Variants in REDIC1 observed in about 807,000 individuals in gnomAD.
REDIC1 encodes the protein regulator of DNA class I crossover intermediates 1.
At chr12:39,646,268 CAG>C in the REDIC1 span, 68 of 502,158 alleles carry the variant, frequency 1.4e-4, no homozygotes, top group East Asian at 2.9e-3. Context: ...ATTTATTAAA[CAG>C]TACTTTTACA....
At chr12:39,635,003 C>T in the REDIC1 span, among the ~76,000 whole-genome samples, 3 of 152,048 alleles carry the variant, frequency 2.0e-5, no homozygotes, top group East Asian at 1.9e-4. Context: ...TAAAAGAAGA[C>T]GTTTATGCAC....
At chr12:39,730,757 G>A in the REDIC1 span, among the ~76,000 whole-genome samples, 1 of 152,142 alleles carries the variant, frequency 6.6e-6, no homozygotes, top group African/African-American at 2.4e-5. Context: ...TTCCAACTTG[G>A]TTCCATTCTC....
the REDIC1 span, among the ~76,000 whole-genome samples, chr12:39,861,375 A>G: frequency 6.6e-5 from 10 of 152,242 alleles, no homozygotes; most frequent in Non-Finnish European, 1.3e-4. Flanking sequence ...TGAAGAAATA[A>G]TAAGTGAATA....
the REDIC1 span, chr12:39,682,779 C>T: frequency 1.2e-5 from 20 of 1,613,112 alleles, no homozygotes; most frequent in African/African-American, 1.6e-4. Context: ...AAGATGTGAA[C>T]CAGTCTACTC....
the REDIC1 span, among the ~76,000 whole-genome samples, chr12:39,763,428 G>C: frequency 6.6e-6 from 1 of 152,054 alleles, no homozygotes; most frequent in Non-Finnish European, 1.5e-5. Context: ...ATTTATCCAT[G>C]TATTTATTCA....
the REDIC1 span, among the ~76,000 whole-genome samples, chr12:39,712,208 A>T: frequency 2.0e-4 from 2 of 9,800 alleles, no homozygotes; most frequent in African/African-American, 4.0e-4. Flanking sequence ...ATATATACAT[A>T]TGTATATATA....
At chr12:39,627,621 G>A in the REDIC1 span, among the ~76,000 whole-genome samples, 3 of 152,134 alleles carry the variant, frequency 2.0e-5, no homozygotes, top group Admixed American at 6.5e-5. Flanking sequence ...ACCTGGAGGT[G>A]CAGCATCTGG....
chr12:39,872,593 G>A, the REDIC1 span, among the ~76,000 whole-genome samples: 167 of 152,264 alleles, frequency 1.1e-3, no homozygotes, highest in African/African-American at 3.5e-3. Context: ...GACTCATTTC[G>A]TGCTAAGTGA....
At chr12:39,730,703 G>C in the REDIC1 span, among the ~76,000 whole-genome samples, 1 of 152,150 alleles carries the variant, frequency 6.6e-6, no homozygotes, top group Non-Finnish European at 1.5e-5. Context: ...GGCCTGTCTT[G>C]CTAGGTTGGG....
At chr12:39,750,915 G>A in the REDIC1 span, among the ~76,000 whole-genome samples, 1 of 152,150 alleles carries the variant, frequency 6.6e-6, no homozygotes, top group Non-Finnish European at 1.5e-5. Flanking sequence ...ATTAATTCAA[G>A]ATGGATTAAA....
chr12:39,716,825 C>A, the REDIC1 span: 1 of 1,595,634 alleles, frequency 6.3e-7, no homozygotes, highest in Non-Finnish European at 8.5e-7. Flanking sequence ...TGTTTCAGTT[C>A]TAGTTCAGAT....
At chr12:39,849,837 T>A in the REDIC1 span, among the ~76,000 whole-genome samples, 1 of 152,196 alleles carries the variant, frequency 6.6e-6, no homozygotes, top group Non-Finnish European at 1.5e-5. Flanking sequence ...TTGCATTATA[T>A]GGCTACTCCC....
the REDIC1 span, among the ~76,000 whole-genome samples, chr12:39,813,778 C>T: frequency 4.6e-5 from 7 of 152,220 alleles, 1 homozygote; most frequent in South Asian, 1.5e-3. Flanking sequence ...AATGTGAGTT[C>T]CATTTGATTT....
the REDIC1 span, among the ~76,000 whole-genome samples, chr12:39,858,037 G>C: frequency 1.3e-5 from 2 of 152,168 alleles, no homozygotes; most frequent in Non-Finnish European, 1.5e-5. Flanking sequence ...GTGGCTAAAA[G>C]CCTAGGCATC....
At chr12:39,631,968 T>C in the REDIC1 span, among the ~76,000 whole-genome samples, 1 of 152,082 alleles carries the variant, frequency 6.6e-6, no homozygotes, top group Non-Finnish European at 1.5e-5. Flanking sequence ...CTGCTTATAC[T>C]TTTTGTTTAA....
At chr12:39,664,695 G>T in the REDIC1 span, among the ~76,000 whole-genome samples, 1 of 152,200 alleles carries the variant, frequency 6.6e-6, no homozygotes, top group South Asian at 2.1e-4. Context: ...CCCACCAACA[G>T]TATAAAAGTG....
the REDIC1 span, among the ~76,000 whole-genome samples, chr12:39,803,381 A>G: frequency 1.3e-5 from 2 of 152,186 alleles, no homozygotes; most frequent in Admixed American, 1.3e-4. Flanking sequence ...ACAACAATAA[A>G]CAGCAGAGCC....
chr12:39,825,520 A>G, the REDIC1 span, among the ~76,000 whole-genome samples: 1 of 152,158 alleles, frequency 6.6e-6, no homozygotes, highest in South Asian at 2.1e-4. Flanking sequence ...GGGTATAGAA[A>G]TCACTTACTT....
At chr12:39,778,452 G>C in the REDIC1 span, among the ~76,000 whole-genome samples, 2 of 151,376 alleles carry the variant, frequency 1.3e-5, no homozygotes, top group African/African-American at 4.9e-5. Context: ...ATATCACAGG[G>C]ACGAAGTTAG....
Sources: gnomAD v4.1 joint callset for allele counts (sites outside exome capture counted in the v4.1 genomes callset) on GRCh38, gnomAD v4.1.1 for gene constraint, MANE v1.5 for transcripts, NCBI Gene and HGNC (gene_info 2026-07-23, HGNC 2026-07-21) for gene names.